NEDD9: variants seen among roughly 807,000 people sequenced by gnomAD.
NEDD9 encodes the protein enhancer of filamentation 1.
Under a neutral mutation model 76.6 loss-of-function variants are expected in NEDD9, and 26 were observed. That is an observed-to-expected ratio of 0.34 (90% confidence interval 0.25 to 0.47). The LOEUF (loss-of-function observed/expected upper bound fraction) is 0.47. NEDD9 is among the 20% of genes least tolerant of loss of function. NEDD9 has a pLI of 1.00. For synonymous variants in NEDD9, 392 were observed against 414.2 expected (o/e 0.95, Z 0.65); for missense variants, 937 against 1,058.5 (o/e 0.89, Z 1.59).
intron 3 of NEDD9, among the ~76,000 whole-genome samples, chr6:11,254,599 C>T (rs964427054): frequency 6.6e-6 from 1 of 152,130 alleles, no homozygotes; most frequent in African/African-American, 2.4e-5. Flanking sequence ...TAAACTGTAC[C>T]TAAAACCCTG....
In NEDD9 at chr6:11,184,748, A is replaced by C; in HGVS notation, c.*414T>G. ...TCAGAATCATCACAAGGACGTGGAG[A>C]ACAATATTATAACCAGCTGGTATGT... On this transcript the variant is annotated 3_prime_UTR_variant, in exon 7 of 7. Transcript: ENST00000379446. 1 of 160,772 alleles carries C rather than the reference A, an allele frequency of 6.2e-6. No homozygotes were observed. The highest frequency in any genetic ancestry group is 1.4e-5 in the Non-Finnish European group (1 of 72,404). 10.0% of individuals were successfully genotyped at this position (160,772 alleles called of 1,614,324 possible).
intron 3 of NEDD9, among the ~76,000 whole-genome samples, chr6:11,282,831 T>A (rs890000012): frequency 2.6e-5 from 4 of 152,200 alleles, no homozygotes; most frequent in African/African-American, 9.7e-5. Context: ...CTGTTCTAGG[T>A]ATATCGGCCC....
Position 11,190,100 on chromosome 6 carries a change from T to C in NEDD9, c.1769A>G (p.His590Arg). The change falls in exon 5 of 7, where the codon CAT (histidine) becomes CGT (arginine). Residue 590 changes from histidine (H) to arginine (R), a missense_variant. Physicochemically the swap from His to Arg is conservative, Grantham distance 29 (BLOSUM62 0). Transcript: ENST00000379446. The surrounding 1 kb of genome is among the most constrained non-coding windows in gnomAD (Gnocchi z 5.8). ...GGCCTGGGCCTTGTGGTCACCAGGA[T>C]GCAGCAGCTGTCCCTGGGAGCCACC... ...PHGGSQGQLL[H>R]PGDHKAQAHN... 1 of 1,610,582 alleles carries C rather than the reference T, an allele frequency of 6.2e-7. No individual in the cohort carries two copies. Among genetic ancestry groups the C allele is most frequent in the Non-Finnish European group, 8.5e-7 (1 of 1,177,818 alleles).
At chr6:11,320,322 GA>G (rs1761762927) in intron 2 of NEDD9, among the ~76,000 whole-genome samples, 1 of 152,200 alleles carries the variant, frequency 6.6e-6, no homozygotes, top group Non-Finnish European at 1.5e-5. Context: ...TGGGAAGTGA[GA>G]GGGGGAACCT....
chr6:11,326,742 G>C (rs1419111984), intron 2 of NEDD9, among the ~76,000 whole-genome samples: 1 of 152,202 alleles, frequency 6.6e-6, no homozygotes, highest in Non-Finnish European at 1.5e-5. Flanking sequence ...AAGGCCCTGG[G>C]CTTGCCTGGG....
chr6:11,335,752 T>C (rs34350240), intron 1 of NEDD9, among the ~76,000 whole-genome samples: 1 of 152,092 alleles, frequency 6.6e-6, no homozygotes, highest in Admixed American at 6.5e-5. Context: ...TTGATAGTAA[T>C]TGTTCCTATT....
chr6:11,256,262 A>G (rs556568991), intron 3 of NEDD9, among the ~76,000 whole-genome samples: 2 of 152,270 alleles, frequency 1.3e-5, no homozygotes, highest in East Asian at 1.9e-4. Flanking sequence ...CAGGGCCCCC[A>G]TCTGGCTGGA....
At chr6:11,279,781 C>T (rs1361217234) in intron 3 of NEDD9, among the ~76,000 whole-genome samples, 2 of 152,156 alleles carry the variant, frequency 1.3e-5, no homozygotes, top group Non-Finnish European at 2.9e-5. Flanking sequence ...CAGCTCTCAT[C>T]TCCTCCCGCT....
chr6:11,288,887 G>A (rs1760705954), intron 3 of NEDD9, among the ~76,000 whole-genome samples: 1 of 152,188 alleles, frequency 6.6e-6, no homozygotes, highest in African/African-American at 2.4e-5. Context: ...ACAGATGGAT[G>A]TTTTCTTGGT....
upstream of NEDD9, among the ~76,000 whole-genome samples, chr6:11,237,025 G>A (rs1759616691): frequency 6.6e-6 from 1 of 152,122 alleles, no homozygotes; most frequent in South Asian, 2.1e-4. This position sits in a 1 kb window ranked among gnomAD's most constrained non-coding sequence, Gnocchi z 4.9. Context: ...CCCCTTTGCT[G>A]AGAATGACCC....
chr6:11,285,056 G>A (rs951006453), intron 3 of NEDD9, among the ~76,000 whole-genome samples: 2 of 152,030 alleles, frequency 1.3e-5, no homozygotes, highest in African/African-American at 2.4e-5. Flanking sequence ...CTTCACAACC[G>A]GTGTTACGTT....
chr6:11,297,906 C>T (rs917459481), intron 3 of NEDD9, among the ~76,000 whole-genome samples: 5 of 111,512 alleles, frequency 4.5e-5, no homozygotes, highest in South Asian at 3.0e-4. Context: ...ATTTTTTTTT[C>T]TTTTCTTTTT....
chr6:11,381,319 T>A (rs1393547126), intron 1 of NEDD9, among the ~76,000 whole-genome samples: 1 of 152,172 alleles, frequency 6.6e-6, no homozygotes, highest in Non-Finnish European at 1.5e-5. Flanking sequence ...CTCTCACTTC[T>A]CAACACAAGC....
intron 3 of NEDD9, among the ~76,000 whole-genome samples, chr6:11,261,153 G>A (rs559579611): frequency 1.8e-4 from 27 of 152,124 alleles, no homozygotes; most frequent in South Asian, 2.1e-4. Context: ...TACCAGAGCC[G>A]TGATGATTGG....
chr6:11,260,520 A>G (rs916211258), intron 3 of NEDD9, among the ~76,000 whole-genome samples: 4 of 152,226 alleles, frequency 2.6e-5, no homozygotes, highest in East Asian at 3.8e-4. Context: ...ATGTAAAGCT[A>G]CAGAGTAAGT....
At chr6:11,299,859 C>A (rs898323449) in intron 3 of NEDD9, among the ~76,000 whole-genome samples, 2 of 152,112 alleles carry the variant, frequency 1.3e-5, no homozygotes, top group Admixed American at 1.3e-4. Context: ...TGTAGGTCAC[C>A]AATGTCAAAG....
At chr6:11,335,345 C>A (rs1203173882) in intron 1 of NEDD9, among the ~76,000 whole-genome samples, 2 of 152,158 alleles carry the variant, frequency 1.3e-5, no homozygotes, top group African/African-American at 4.8e-5. Context: ...TAGTCTGCTG[C>A]CAGTCTGATC....
At chr6:11,335,614 C>G (rs139024009) in intron 1 of NEDD9, among the ~76,000 whole-genome samples, 55 of 152,364 alleles carry the variant, frequency 3.6e-4, no homozygotes, top group African/African-American at 1.3e-3. Flanking sequence ...CTTCAAGCAT[C>G]TCAACAACTT....
intron 1 of NEDD9, among the ~76,000 whole-genome samples, chr6:11,356,555 G>T (rs902406556): frequency 6.6e-6 from 1 of 152,090 alleles, no homozygotes; most frequent in Non-Finnish European, 1.5e-5. Flanking sequence ...AACACAGATG[G>T]CTGGGCACCA....
Sources: allele counts gnomAD v4.1 joint callset (sites outside exome capture counted in the v4.1 genomes callset), GRCh38; gene constraint gnomAD v4.1.1; non-coding constraint Gnocchi (gnomAD v3.1); transcripts MANE v1.5; gene names NCBI Gene and HGNC (gene_info 2026-07-23, HGNC 2026-07-21).